FMN2: variants seen among roughly 807,000 people sequenced by gnomAD.
FMN2 encodes the protein formin 2.
Under a neutral mutation model 142.3 loss-of-function variants are expected in FMN2, and 51 were observed. The ratio of observed to expected loss-of-function variants is 0.36; its 90% CI spans 0.29 to 0.45. The LOEUF (loss-of-function observed/expected upper bound fraction) is 0.45, where lower values mean the gene tolerates loss of function less well. Ranked by LOEUF, FMN2 falls within the 20% of genes least tolerant of loss-of-function variation. The pLI, the probability that FMN2 is intolerant of heterozygous loss-of-function variation, is 1.00. For synonymous variants in FMN2, 882 were observed against 869.8 expected, an observed-to-expected ratio of 1.01 and a Z score of -0.25; for missense variants, 1,936 against 2,122.8, an observed-to-expected ratio of 0.91 and a Z score of 1.73.
intron 16 of FMN2, among the ~76,000 whole-genome samples, chr1:240,440,036 G>A (rs1312505501): frequency 6.6e-6 from 1 of 152,164 alleles, no homozygotes; most frequent in African/African-American, 2.4e-5. Context: ...TCAATGGAGT[G>A]TAGATGGTGT....
intron 6 of FMN2, among the ~76,000 whole-genome samples, chr1:240,212,742 CT>C (rs1666741791): frequency 6.6e-6 from 1 of 152,270 alleles, no homozygotes; most frequent in Non-Finnish European, 1.5e-5. Flanking sequence ...CGTATCTCCT[CT>C]TTTGGGTTGT....
At chr1:240,156,064 C>T (rs929046033) in intron 2 of FMN2, among the ~76,000 whole-genome samples, 3 of 151,988 alleles carry the variant, frequency 2.0e-5, no homozygotes, top group Non-Finnish European at 4.4e-5. Flanking sequence ...CATAGTCAGA[C>T]TCTGTCTCTA....
intron 2 of FMN2, among the ~76,000 whole-genome samples, chr1:240,132,790 G>T (rs951475176): frequency 2.6e-5 from 4 of 152,130 alleles, no homozygotes; most frequent in African/African-American, 7.2e-5. Context: ...GAGGGTCGCG[G>T]TATGAGGGAG....
chr1:240,230,179 T>G (rs72764385), intron 6 of FMN2, among the ~76,000 whole-genome samples: 1 of 126,462 alleles, frequency 7.9e-6, no homozygotes, highest in Non-Finnish European at 1.6e-5. Context: ...TAGTTGGGCA[T>G]GGTGGCATGT....
chr1:240,451,062 T>C (rs922385910), intron 16 of FMN2, among the ~76,000 whole-genome samples: 25 of 152,198 alleles, frequency 1.6e-4, no homozygotes, highest in Non-Finnish European at 2.9e-4. Context: ...TAAGGAAATA[T>C]TAATTTTTAA....
chr1:240,360,550 A>C (rs1017970344), intron 14 of FMN2, among the ~76,000 whole-genome samples: 12 of 152,172 alleles, frequency 7.9e-5, no homozygotes, highest in African/African-American at 2.9e-4. Flanking sequence ...GATGTACTCT[A>C]TCTTACAGAG....
At chr1:240,267,521 A>G (rs908250544) in intron 7 of FMN2, among the ~76,000 whole-genome samples, 11 of 151,914 alleles carry the variant, frequency 7.2e-5, no homozygotes, top group African/African-American at 2.7e-4. Context: ...GATCGGGAAA[A>G]ATAACTAATG....
rs985038327 is a variant in FMN2 at position 240,473,647 on chromosome 1, A to C, written c.5143-481A>C. On this transcript the variant is annotated intron_variant, in intron 17 of 17. Coordinates refer to ENST00000319653, the MANE Select transcript of FMN2 (RefSeq NM_020066.5). The surrounding 1 kb of genome is among the most constrained non-coding windows in gnomAD (Gnocchi z 4.3). ...TGTATCAAAATGATCTTATCTAATG[A>C]TAACTACTACATGATAGTTCAGCTT... Among the ~76,000 whole-genome samples the C allele has an allele frequency of 2.0e-5, 3 of 152,204 alleles. No individual in the cohort carries two copies. Among genetic ancestry groups the C allele is most frequent in the African/African-American group, 7.2e-5 (3 of 41,446 alleles).
chr1:240,093,275 C>T lies in FMN2; in HGVS notation c.1166C>T (p.Pro389Leu). ...GAGCCGGAGGAGGAGGCGCAAGGAC[C>T]TGACGCCCCCGCGGCCGCTTCCCTG... ...GEEPEEEAQG[P>L]DAPAAASLPG... The change falls in exon 1 of 18, where the codon CCT becomes CTT. Residue 389 changes from proline (P) to leucine (L), a missense_variant. Transcript: ENST00000319653. 1.2e-6 allele frequency: 2 copies of T among 1,604,350 alleles called. No individual in the cohort carries two copies. Among genetic ancestry groups the T allele is most frequent in the Non-Finnish European group, 8.5e-7 (1 of 1,175,370 alleles).
chr1:240,393,146 T>C (rs2103099149), intron 15 of FMN2, among the ~76,000 whole-genome samples: 1 of 146,790 alleles, frequency 6.8e-6, no homozygotes, highest in South Asian at 2.2e-4. Context: ...TGCACTTCTC[T>C]TTGCTGTGCT....
chr1:240,241,542 C>T (rs1330410055), intron 6 of FMN2, among the ~76,000 whole-genome samples: 1 of 152,106 alleles, frequency 6.6e-6, no homozygotes, highest in Admixed American at 6.5e-5. Context: ...GCCTCTCTGG[C>T]TTTGGTCTTT....
In FMN2 at chr1:240,386,074, A is replaced by G. The variant is rs188541464; in HGVS notation, c.4859-6437A>G. 1.8e-4 allele frequency among the ~76,000 whole-genome samples: 27 copies of G among 152,308 alleles called. No homozygotes were observed. The East Asian group carries it at 4.6e-3, about 26-fold the overall frequency. On this transcript the variant is annotated intron_variant, in intron 14 of 17. Transcript: ENST00000319653. ...GCATAGAGAAGGAAGATGCATTGGG[A>G]CTTAGTTATTTCTCTTGCAGTCTAA...
chr1:240,302,873 C>A (rs1057503464), intron 8 of FMN2, among the ~76,000 whole-genome samples: 21 of 151,938 alleles, frequency 1.4e-4, no homozygotes, highest in African/African-American at 4.8e-4. Context: ...AGTTTAATTT[C>A]TTTCACATAA....
chr1:240,214,444 G>T (rs529379290), intron 6 of FMN2, among the ~76,000 whole-genome samples: 1 of 151,624 alleles, frequency 6.6e-6, no homozygotes, highest in Admixed American at 6.6e-5. Flanking sequence ...TCAGCTACTC[G>T]GGAGGCTGAG....
At chr1:240,439,209 G>T (rs1675513116) in intron 16 of FMN2, among the ~76,000 whole-genome samples, 1 of 147,470 alleles carries the variant, frequency 6.8e-6, no homozygotes, top group Non-Finnish European at 1.5e-5. Context: ...GGAGGCGGAG[G>T]TTGCAGTGAG....
At chr1:240,216,818 G>GCTAATTACACAA (rs1190034206) in intron 6 of FMN2, among the ~76,000 whole-genome samples, 1 of 152,022 alleles carries the variant, frequency 6.6e-6, no homozygotes, top group Non-Finnish European at 1.5e-5. Flanking sequence ...GAGTAGTGGT[G>GCTAATTACACAA]GATGCCTGTA....
At chr1:240,143,965 G>A (rs949735283) in intron 2 of FMN2, 140 of 1,421,528 alleles carry the variant, frequency 9.8e-5, no homozygotes, top group South Asian at 4.1e-4. Flanking sequence ...TGCTGTTGTG[G>A]AGAACATAGT....
At chr1:240,429,436 C>T (rs766628412) in intron 15 of FMN2, among the ~76,000 whole-genome samples, 1 of 152,166 alleles carries the variant, frequency 6.6e-6, no homozygotes, top group Non-Finnish European at 1.5e-5. Flanking sequence ...CTCTTTCTCT[C>T]TCTCTCTGTT....
chr1:240,188,070 T>C (rs1172297385), intron 3 of FMN2, 137 bp from the exon 4 acceptor site: 1 of 723,478 alleles, frequency 1.4e-6, no homozygotes, highest in African/African-American at 1.8e-5. Context: ...AACCCAGTTA[T>C]ATAATTGGAA....
Sources: gnomAD v4.1 joint callset for allele counts (sites outside exome capture counted in the v4.1 genomes callset) on GRCh38, gnomAD v4.1.1 for gene constraint, Gnocchi (gnomAD v3.1) non-coding constraint, MANE v1.5 for transcripts, NCBI Gene and HGNC (gene_info 2026-07-23, HGNC 2026-07-21) for gene names.